MYO7B: variants seen among roughly 807,000 people sequenced by gnomAD.
MYO7B encodes the protein unconventional myosin-VIIb.
MYO7B carries 212 observed loss-of-function variants against 259.7 expected under a neutral mutation model. That is an observed-to-expected ratio of 0.82 (90% CI 0.73 to 0.91). The LOEUF is 0.91. MYO7B is among the 40% of genes least tolerant of loss of function. The pLI, the probability that MYO7B is intolerant of heterozygous loss-of-function variation, is 0.00. For synonymous variants in MYO7B, 1,197 were observed against 1,166.4 expected (o/e 1.03, Z -0.54); for missense variants, 2,732 against 2,813.5 (o/e 0.97, Z 0.66).
At chr2:127,561,712 G>A (rs1386876497) in intron 2 of MYO7B, among the ~76,000 whole-genome samples, 1 of 152,206 alleles carries the variant, frequency 6.6e-6, no homozygotes, top group Non-Finnish European at 1.5e-5. Context: ...GAGCAGTTAA[G>A]TGACTTTCCC....
chr2:127,634,989 G>C (rs1681721580), intron 42 of MYO7B, 131 bp from the exon 43 acceptor site: 1 of 734,984 alleles, frequency 1.4e-6, no homozygotes, highest in Non-Finnish European at 2.3e-6. Flanking sequence ...GAAAATGTGG[G>C]GACTGGGGAG....
Position 127,615,562 on chromosome 2 carries a change from G to T in MYO7B, c.3398+2959G>T, listed in dbSNP as rs577405699. 2.5e-4 allele frequency among the ~76,000 whole-genome samples: 38 copies of T among 152,048 alleles called. No homozygotes were observed. The highest frequency in any genetic ancestry group is 1.5e-4 in the Non-Finnish European group (10 of 68,020). On this transcript the variant is annotated intron_variant, in intron 26 of 47. Coordinates refer to ENST00000409816, the MANE Select transcript of MYO7B (RefSeq NM_001393586.1). The surrounding 1 kb of genome is among the most constrained non-coding windows in gnomAD (Gnocchi z 4.4). ...CTGCTTAATTGATCACAGGTTCATA[G>T]TATTACTAACAGGCTTCAGGTGTGC...
intron 18 of MYO7B, among the ~76,000 whole-genome samples, chr2:127,595,141 T>G (rs1679711510): frequency 6.6e-6 from 1 of 152,242 alleles, no homozygotes; most frequent in African/African-American, 2.4e-5. Context: ...TTGCCTTAAT[T>G]TCAGAACTTG....
In MYO7B at chr2:127,583,993, G is replaced by A. The variant is rs77795299; in HGVS notation, c.1344-129G>A. The A allele has an allele frequency of 7.8e-3, 5,935 of 764,724 alleles. 31 individuals carry two copies. Among genetic ancestry groups the A allele is most frequent in the Non-Finnish European group, 0.01 (4,724 of 456,024 alleles). The allele number at this position is 764,724 out of a possible 1,614,324, so 47.4% of individuals were successfully genotyped here. ...TGAGTGTGCATCTCTGTGTACACGAGGTGTGCATCTGTGGGCATATCTGTA... is the reference window on the plus strand; with the variant it reads ...TGAGTGTGCATCTCTGTGTACACGAAGTGTGCATCTGTGGGCATATCTGTA... On this transcript the variant is annotated intron_variant, in intron 12 of 47. Transcript: ENST00000409816.
Position 127,593,601 on chromosome 2 carries a change from C to G in MYO7B, c.2201C>G (p.Thr734Arg), listed in dbSNP as rs1363953945. Residue 734 changes from threonine (T) to arginine (R), a missense_variant, in exon 18 of 48, where the codon ACA (threonine) becomes AGA (arginine). Physicochemically the swap from Thr to Arg is moderately conservative, Grantham distance 71 (BLOSUM62 -1). Around this residue, in one of 3 missense-constraint regions of MYO7B, gnomAD observed 1,906 missense variants for 2,026.4 expected, o/e 0.94. Coordinates refer to ENST00000409816, the MANE Select transcript of MYO7B (RefSeq NM_001393586.1). ...GGCATCACTGACGTGTGGCTGCGGA[C>G]AGACAAAGACTGGAAAGCGGGGAAG... ...TLGITDVWLRTDKDWKAGKTK... is the reference protein window; with the variant it reads ...TLGITDVWLRRDKDWKAGKTK... 6.2e-7 allele frequency: 1 copy of G among 1,613,706 alleles called. No individual in the cohort carries two copies. Among genetic ancestry groups the G allele is most frequent in the Non-Finnish European group, 8.5e-7 (1 of 1,179,834 alleles).
At chr2:127,575,266 T>C (rs1678818995) in intron 7 of MYO7B, among the ~76,000 whole-genome samples, 1 of 152,178 alleles carries the variant, frequency 6.6e-6, no homozygotes. Flanking sequence ...CGGCCCCTTG[T>C]CCAGGGTCAC....
chr2:127,607,375 A>G lies in MYO7B; in HGVS notation c.2594A>G (p.His865Arg). ...KRRAVVVIQA[H>R]ARGMAARRNF... Reference sequence around the variant, plus strand: ...AGGGCAGTGGTGGTCATTCAGGCCCATGCCAGGGGCATGGCTGCCCGGCGC... The same window carrying G: ...AGGGCAGTGGTGGTCATTCAGGCCCGTGCCAGGGGCATGGCTGCCCGGCGC... Residue 865 changes from histidine to arginine, a missense_variant, in exon 21 of 48, where the codon CAT becomes CGT. Transcript: ENST00000409816. The surrounding 1 kb of genome is among the most constrained non-coding windows in gnomAD (Gnocchi z 4.4). 6.4e-7 allele frequency: 1 copy of G among 1,551,416 alleles called. No individual in the cohort carries two copies. Among genetic ancestry groups the G allele is most frequent in the Non-Finnish European group, 8.7e-7 (1 of 1,146,870 alleles).
At chr2:127,579,971 G>A (rs752891796) in intron 9 of MYO7B, among the ~76,000 whole-genome samples, 5 of 152,070 alleles carry the variant, frequency 3.3e-5, no homozygotes, top group Non-Finnish European at 4.4e-5. Flanking sequence ...GTTAGAAGTC[G>A]GGAGGGTGCT....
Position 127,631,522 on chromosome 2 carries a change from C to T in MYO7B, c.5096-78C>T, listed in dbSNP as rs892386508. On this transcript the variant is annotated intron_variant, in intron 37 of 47. Transcript: ENST00000409816. ...GCCCACACATGGCTCACCGCAGGGC[C>T]GGGGTCGGGGTCAGCGTCTATCCCC... The T allele has an allele frequency of 1.7e-5, 27 of 1,550,166 alleles. 1 individual carries two copies. The highest frequency in any genetic ancestry group is 3.7e-5 in the South Asian group (3 of 80,720).
intron 42 of MYO7B, 86 bp downstream of exon 42, chr2:127,634,769 T>TCATC (rs907335724): frequency 4.0e-6 from 5 of 1,253,478 alleles, no homozygotes; most frequent in East Asian, 5.0e-5. Flanking sequence ...CCATGCCCAT[T>TCATC]CATCCATCCA....
chr2:127,536,071 C>T (rs1246078826), intron 1 of MYO7B, among the ~76,000 whole-genome samples: 4 of 152,130 alleles, frequency 2.6e-5, no homozygotes, highest in Non-Finnish European at 5.9e-5. Flanking sequence ...AGCTGTCTAG[C>T]CCTCTGCTGT....
At chr2:127,621,264 TG>T (rs1417403454) in intron 27 of MYO7B, among the ~76,000 whole-genome samples, 52 of 129,642 alleles carry the variant, frequency 4.0e-4, no homozygotes, top group African/African-American at 6.2e-4. Context: ...TTTTTTTTTT[TG>T]TTTTTTTTTT....
intron 3 of MYO7B, 45 bp downstream of exon 3, chr2:127,564,311 T>G: frequency 1.4e-6 from 2 of 1,457,608 alleles, no homozygotes; most frequent in Middle Eastern, 3.6e-4. Flanking sequence ...TGCCCTCACA[T>G]CCAGGGCCCT....
At chr2:127,550,677 A>G (rs1162298552) in intron 1 of MYO7B, among the ~76,000 whole-genome samples, 1 of 151,924 alleles carries the variant, frequency 6.6e-6, no homozygotes, top group Non-Finnish European at 1.5e-5. Context: ...AAAGGTGAGA[A>G]GGTGGAGGCA....
rs759222751 is a variant in MYO7B at position 127,596,518 on chromosome 2, G to A, written c.2301G>A (p.Ala767=). The A allele has an allele frequency of 4.6e-5, 75 of 1,613,572 alleles. No individual in the cohort carries two copies. Among genetic ancestry groups the A allele is most frequent in the Admixed American group, 1.5e-4 (9 of 59,974 alleles). ...GAAGCCAGGTGCTAGACAGAGCGGC[G>A]CTCAGCATCCAGAAAGTCCTTCGGG... ...VQRSQVLDRA[A]LSIQKVLRGY... Residue 767 remains alanine, a synonymous_variant, in exon 19 of 48, where the codon GCG becomes GCA. Coordinates refer to ENST00000409816, the MANE Select transcript of MYO7B (RefSeq NM_001393586.1).
At chr2:127,591,968 G>A (rs1679575866) in intron 16 of MYO7B, among the ~76,000 whole-genome samples, 1 of 152,236 alleles carries the variant, frequency 6.6e-6, no homozygotes. Context: ...AGACTAAGTT[G>A]ATTAGGATAT....
intron 18 of MYO7B, 69 bp from the exon 19 acceptor site, chr2:127,596,393 G>A: frequency 7.8e-7 from 1 of 1,284,886 alleles, no homozygotes; most frequent in East Asian, 2.4e-5. Context: ...GGGAGACAGA[G>A]CCCTGGCCCC....
intron 16 of MYO7B, among the ~76,000 whole-genome samples, chr2:127,592,439 C>T (rs2104975301): frequency 6.6e-6 from 1 of 152,176 alleles, no homozygotes; most frequent in African/African-American, 2.4e-5. Flanking sequence ...TTAAAAAAAG[C>T]ATTTTAAACT....
Position 127,627,085 on chromosome 2 carries a change from ACT to A in MYO7B, c.4330_4331del (p.Ser1444ArgfsTer14). The A allele has an allele frequency of 2.5e-6, 4 of 1,610,152 alleles. No homozygotes were observed. The highest frequency in any genetic ancestry group is 3.4e-6 in the Non-Finnish European group (4 of 1,178,730). On this transcript the variant is annotated frameshift_variant, in exon 32 of 48. Coordinates refer to ENST00000409816, the MANE Select transcript of MYO7B (RefSeq NM_001393586.1). LOFTEE classifies it high-confidence loss of function. This position sits in a 1 kb window ranked among gnomAD's most constrained non-coding sequence, Gnocchi z 5.6. ...LFSRLFEVIT[L>X]SGPRLPKTQL... is the part of the protein sequence containing the mutation. ...TCTCCCGGCTCTTCGAAGTCATCAC[ACT>A]CTCAGGTAATGGCATCTGACAGGGG...
Sources: gnomAD v4.1 joint callset for allele counts (sites outside exome capture counted in the v4.1 genomes callset) on GRCh38, gnomAD v4.1.1 for gene constraint, gnomAD v4.1.1 regional missense constraint, Gnocchi (gnomAD v3.1) non-coding constraint, MANE v1.5 for transcripts, NCBI Gene and HGNC (gene_info 2026-07-23, HGNC 2026-07-21) for gene names.